Variants in ANO4 observed in about 807,000 individuals in gnomAD.
ANO4 encodes anoctamin-4.
ANO4 carries 69 observed loss-of-function variants against 141.9 expected under a neutral mutation model. The observed-to-expected ratio is 0.49, with a 90% confidence interval of 0.40 to 0.59. ANO4 has a LOEUF of 0.59. Ranked by LOEUF, ANO4 falls within the 20% of genes least tolerant of loss-of-function variation. ANO4 has a pLI of 0.00. For missense variants in ANO4, 894 were observed against 1,162.2 expected, an observed-to-expected ratio of 0.77 and a Z score of 3.36; for synonymous variants, 350 against 394.3, an observed-to-expected ratio of 0.89 and a Z score of 1.33.
At chr12:101,088,823 G>A (rs1022402821) in intron 17 of ANO4, among the ~76,000 whole-genome samples, 27 of 151,990 alleles carry the variant, frequency 1.8e-4, no homozygotes, top group African/African-American at 5.8e-4. Context: ...AGGAGTTCAC[G>A]ACTGCAGTGA....
chr12:100,991,782 A>AT (rs1438858604), intron 8 of ANO4, among the ~76,000 whole-genome samples: 3 of 152,184 alleles, frequency 2.0e-5, no homozygotes, highest in Non-Finnish European at 4.4e-5. Flanking sequence ...CTTAATAATG[A>AT]TTTTTTAAAT....
intron 1 of ANO4, among the ~76,000 whole-genome samples, chr12:100,727,084 T>A (rs1235789453): frequency 6.6e-6 from 1 of 152,088 alleles, no homozygotes; most frequent in Admixed American, 6.6e-5. Flanking sequence ...TGCTTTATGG[T>A]CTAAAGTATG....
At chr12:100,855,521 A>C (rs1486740969) in intron 1 of ANO4, among the ~76,000 whole-genome samples, 1 of 152,122 alleles carries the variant, frequency 6.6e-6, no homozygotes, top group East Asian at 1.9e-4. Flanking sequence ...TAATCTTCAA[A>C]TTACCATTTT....
At chr12:100,981,463 A>G (rs199799007) in intron 7 of ANO4, among the ~76,000 whole-genome samples, 18 of 150,804 alleles carry the variant, frequency 1.2e-4, no homozygotes, top group African/African-American at 2.4e-4. Flanking sequence ...AGGAAGGAAG[A>G]AAGGAAGGGA....
intron 5 of ANO4, among the ~76,000 whole-genome samples, chr12:100,948,002 T>C (rs1358834435): frequency 6.6e-6 from 1 of 151,598 alleles, no homozygotes; most frequent in Non-Finnish European, 1.5e-5. Context: ...GCTAACATGG[T>C]GAAACCCTGT....
intron 2 of ANO4, among the ~76,000 whole-genome samples, chr12:100,909,759 A>T (rs1375304198): frequency 6.6e-6 from 1 of 152,198 alleles, no homozygotes; most frequent in African/African-American, 2.4e-5. Flanking sequence ...AGCAAGCTTT[A>T]TCGTTAGGTG....
chr12:100,896,976 G>GA (rs2040381504), intron 1 of ANO4, among the ~76,000 whole-genome samples: 1 of 152,110 alleles, frequency 6.6e-6, no homozygotes, highest in Non-Finnish European at 1.5e-5. Context: ...TTTTACAGGT[G>GA]AAAAAACTGA....
chr12:100,847,324 A>G (rs536790245), intron 1 of ANO4, among the ~76,000 whole-genome samples: 79 of 152,294 alleles, frequency 5.2e-4, no homozygotes, highest in African/African-American at 1.8e-3. Context: ...ATTTCTATTT[A>G]GTATGTGACT....
chr12:100,807,026 A>G (rs1445925418), intron 1 of ANO4, among the ~76,000 whole-genome samples: 1 of 152,176 alleles, frequency 6.6e-6, no homozygotes. Context: ...AGAAAAGCCT[A>G]ACCCACTCTG....
intron 9 of ANO4, among the ~76,000 whole-genome samples, chr12:101,032,724 C>T (rs371551375): frequency 1.1e-4 from 16 of 151,546 alleles, no homozygotes; most frequent in Middle Eastern, 3.4e-3. Flanking sequence ...AAAATGCTCA[C>T]CATCACTGGC....
At chr12:100,718,564 T>C (rs2030718307) in intron 1 of ANO4, among the ~76,000 whole-genome samples, 1 of 152,324 alleles carries the variant, frequency 6.6e-6, no homozygotes, top group Non-Finnish European at 1.5e-5. Context: ...CTGCTCATTT[T>C]ACCAAGGTTA....
chr12:100,787,367 C>T (rs965658236), intron 3 of ANO4, among the ~76,000 whole-genome samples: 1 of 152,132 alleles, frequency 6.6e-6, no homozygotes, highest in Non-Finnish European at 1.5e-5. Flanking sequence ...TTTTCAACAG[C>T]TTGGTGAGTT....
chr12:101,101,743 G>T (rs1002293205), intron 22 of ANO4, among the ~76,000 whole-genome samples: 3 of 151,892 alleles, frequency 2.0e-5, no homozygotes, highest in Admixed American at 6.6e-5. Flanking sequence ...GCCAAAAGAT[G>T]AGCTATTTTG....
intron 1 of ANO4, among the ~76,000 whole-genome samples, chr12:100,829,369 T>G (rs2036523475): frequency 6.6e-6 from 1 of 152,060 alleles, no homozygotes; most frequent in Non-Finnish European, 1.5e-5. Context: ...TGTATATACA[T>G]ATTTAATAAC....
chr12:100,759,264 T>A (rs78717311), intron 3 of ANO4, among the ~76,000 whole-genome samples: 7,300 of 152,310 alleles, frequency 0.048, 503 homozygotes, highest in African/African-American at 0.15. Context: ...GTGGTGAGAA[T>A]GTTGCTTTCC....
chr12:101,111,226 G>C (rs1388523974), intron 23 of ANO4, among the ~76,000 whole-genome samples: 4 of 152,152 alleles, frequency 2.6e-5, no homozygotes, highest in African/African-American at 9.7e-5. Context: ...GAACAGAAGG[G>C]ACCAAATCCA....
At chr12:101,068,795 C>G in intron 14 of ANO4, 2 of 1,214,586 alleles carry the variant, frequency 1.6e-6, no homozygotes, top group South Asian at 2.4e-5. Flanking sequence ...TTAGAAGAGC[C>G]CACAGTCATC....
At chr12:100,934,753 C>T (rs2042216920) in intron 3 of ANO4, among the ~76,000 whole-genome samples, 2 of 152,128 alleles carry the variant, frequency 1.3e-5, no homozygotes, top group Admixed American at 1.3e-4. Context: ...TGTTTGTGTC[C>T]TCTTTTACTT....
intron 13 of ANO4, 61 bp from the exon 14 acceptor site, chr12:101,048,280 A>C (rs989225224): frequency 6.4e-7 from 1 of 1,556,708 alleles, no homozygotes; most frequent in Non-Finnish European, 8.8e-7. Context: ...AACTTGAAAA[A>C]ATTTGAATTG....
Sources: gnomAD v4.1 joint callset for allele counts (sites outside exome capture counted in the v4.1 genomes callset) on GRCh38, gnomAD v4.1.1 for gene constraint, MANE v1.5 for transcripts, NCBI Gene and HGNC (gene_info 2026-07-23, HGNC 2026-07-21) for gene names.